Variants in DLC1 observed in about 807,000 individuals in gnomAD.
DLC1 encodes rho GTPase-activating protein 7.
A neutral mutation model predicts 140.3 loss-of-function variants in DLC1; 54 were observed. The observed-to-expected ratio is 0.38, with a 90% CI of 0.31 to 0.48. The LOEUF is 0.48. DLC1 is among the 20% of genes least tolerant of loss of function. The probability of loss-of-function intolerance (pLI) is 0.96; values close to 1 mark genes in which losing one functional copy is unlikely to be tolerated. For missense variants in DLC1, 2,536 were observed against 1,907.0 expected (o/e 1.33, Z -6.14); for synonymous variants, 986 against 728.1 (o/e 1.35, Z -5.70).
intron 7 of DLC1, among the ~76,000 whole-genome samples, chr8:13,104,227 G>T (rs1010023304): frequency 3.9e-5 from 6 of 151,928 alleles, no homozygotes; most frequent in African/African-American, 1.5e-4. Flanking sequence ...TAAGCACTCA[G>T]GTAAGACTCT....
Position 13,325,495 on chromosome 8 carries a change from G to T in DLC1, c.1315-20193C>A, listed in dbSNP as rs11988159. 9.8e-3 allele frequency among the ~76,000 whole-genome samples: 1,492 copies of T among 151,790 alleles called. 23 individuals are homozygous for T. Among genetic ancestry groups the T allele is most frequent in the African/African-American group, 0.034 (1,403 of 41,268 alleles). On this transcript the variant is annotated intron_variant, in intron 4 of 17. Transcript: ENST00000276297. ...ACACACACACAGAAAATCTCACAGA[G>T]TCATGTATGCTGGTGTAAAATATAA...
At chr8:13,156,328 A>C (rs1010686655) in intron 5 of DLC1, among the ~76,000 whole-genome samples, 1 of 152,090 alleles carries the variant, frequency 6.6e-6, no homozygotes, top group Non-Finnish European at 1.5e-5. Flanking sequence ...TCCTGAGTAC[A>C]TAGTTTTGTT....
chr8:13,133,235 C>A lies in DLC1; in HGVS notation c.1349-17578G>T, dbSNP rs1405256358. On this transcript the variant is annotated intron_variant, in intron 5 of 17. Transcript: ENST00000276297. ...CCGGCGCTCCTGATGCGGAGAGGTGCGGCCATGTCCTGGCTGGGAGCGAAG... is the reference window on the plus strand; with the variant it reads ...CCGGCGCTCCTGATGCGGAGAGGTGAGGCCATGTCCTGGCTGGGAGCGAAG... The A allele has an allele frequency of 7.2e-6, 10 of 1,395,006 alleles. No homozygotes were observed. In the African/African-American group the frequency reaches 1.5e-4, roughly 21 times the overall value. The allele number at this position is 1,395,006 out of a possible 1,614,324, so 86.4% of individuals were successfully genotyped here.
chr8:13,240,345 C>T (rs992743067), intron 5 of DLC1, among the ~76,000 whole-genome samples: 1 of 152,200 alleles, frequency 6.6e-6, no homozygotes, highest in Admixed American at 6.5e-5. Flanking sequence ...TTTCATCTGC[C>T]TCAAATGTCT....
At chr8:13,406,260 C>T (rs191527960) in intron 2 of DLC1, among the ~76,000 whole-genome samples, 43 of 148,332 alleles carry the variant, frequency 2.9e-4, no homozygotes, top group African/African-American at 9.9e-4. Context: ...CCTCGTGATC[C>T]GCCCACCTCA....
intron 2 of DLC1, among the ~76,000 whole-genome samples, chr8:13,422,288 C>T (rs1838350722): frequency 6.6e-6 from 1 of 151,826 alleles, no homozygotes; most frequent in Non-Finnish European, 1.5e-5. Context: ...TCTCAGAAGC[C>T]CATGGTAGAT....
chr8:13,393,702 A>T lies in DLC1; in HGVS notation c.1174-9T>A, dbSNP rs759615178. 6.2e-7 allele frequency: 1 copy of T among 1,611,176 alleles called. No individual in the cohort carries two copies. The highest frequency in any genetic ancestry group is 8.5e-7 in the Non-Finnish European group (1 of 1,178,892). ...GATCCTGATTCCAGATCCTATTAAA[A>T]AACAAATGCACTGGTATGAAGGACA... On this transcript the variant is annotated splice_polypyrimidine_tract_variant and intron_variant, in intron 3 of 17. Transcript: ENST00000276297.
chr8:13,151,286 AT>A (rs1823789755), intron 5 of DLC1, among the ~76,000 whole-genome samples: 1 of 152,236 alleles, frequency 6.6e-6, no homozygotes, highest in Non-Finnish European at 1.5e-5. Flanking sequence ...TTTCAGCATA[AT>A]GATAATACAC....
chr8:13,366,995 C>T (rs908481067), intron 4 of DLC1, among the ~76,000 whole-genome samples: 1 of 152,150 alleles, frequency 6.6e-6, no homozygotes, highest in Admixed American at 6.5e-5. Flanking sequence ...TGTCTACTCA[C>T]TCTCCCAACC....
At chr8:13,590,998 A>G (rs1400001915) in intron 1 of DLC1, among the ~76,000 whole-genome samples, 1 of 152,126 alleles carries the variant, frequency 6.6e-6, no homozygotes, top group Non-Finnish European at 1.5e-5. Context: ...AGGCAGCAAT[A>G]ACATGGAGGT....
At chr8:13,521,821 C>T (rs1217708309) in intron 1 of DLC1, among the ~76,000 whole-genome samples, 2 of 152,268 alleles carry the variant, frequency 1.3e-5, no homozygotes, top group Non-Finnish European at 2.9e-5. Flanking sequence ...CATTTGAGAA[C>T]CTCAGTACAC....
intron 5 of DLC1, chr8:13,133,080 C>A (rs1822258596): frequency 6.5e-7 from 1 of 1,534,902 alleles, no homozygotes; most frequent in Non-Finnish European, 8.8e-7. Context: ...CCGAGACGCG[C>A]GCCCTCGCGG....
Position 13,418,161 on chromosome 8 carries a change from A to G in DLC1, c.1024-16542T>C, listed in dbSNP as rs1463028610. 6.6e-5 allele frequency among the ~76,000 whole-genome samples: 10 copies of G among 151,978 alleles called. No homozygotes were observed. In the East Asian group the frequency reaches 7.8e-4, roughly 12 times the overall value. On this transcript the variant is annotated intron_variant, in intron 2 of 17. Transcript: ENST00000276297. ...TGCGAAAATTTTCTCCCATTTTGTA[A>G]GTTGCCTGTTCACTCTGATGGTAGT... is the stretch of plus-strand genomic sequence containing the variant.
chr8:13,209,273 C>T (rs139754369), intron 5 of DLC1, among the ~76,000 whole-genome samples: 1 of 152,096 alleles, frequency 6.6e-6, no homozygotes. Context: ...AAAGACTCAT[C>T]TCAAGATTTT....
chr8:13,372,801 G>C (rs1013366005), intron 4 of DLC1, among the ~76,000 whole-genome samples: 3 of 152,114 alleles, frequency 2.0e-5, no homozygotes, highest in Non-Finnish European at 2.9e-5. Flanking sequence ...TATATGGTAA[G>C]TTATTTAGAA....
Position 13,133,089 on chromosome 8 carries a change from G to C in DLC1, c.1349-17432C>G, listed in dbSNP as rs1026834960. 4.1e-5 allele frequency: 62 copies of C among 1,514,740 alleles called. No individual in the cohort carries two copies. In the African/African-American group the frequency reaches 7.8e-4, roughly 19 times the overall value. 93.8% of individuals were successfully genotyped at this position (1,514,740 alleles called of 1,614,324 possible). ...CGGCACCCGAGACGCGCGCCCTCGCGGTCCTCAACGCATCCTTGCTCGCCG... is the reference window on the plus strand; with the variant it reads ...CGGCACCCGAGACGCGCGCCCTCGCCGTCCTCAACGCATCCTTGCTCGCCG... On this transcript the variant is annotated intron_variant, in intron 5 of 17. Transcript: ENST00000276297.
At chr8:13,495,757 C>T (rs1174814452) in intron 2 of DLC1, among the ~76,000 whole-genome samples, 1 of 152,042 alleles carries the variant, frequency 6.6e-6, no homozygotes, top group Non-Finnish European at 1.5e-5. Flanking sequence ...ACGATGAATG[C>T]CTGCTAAGAT....
intron 4 of DLC1, among the ~76,000 whole-genome samples, chr8:13,384,452 T>A (rs1383210860): frequency 6.6e-6 from 1 of 152,212 alleles, no homozygotes; most frequent in East Asian, 1.9e-4. Context: ...CTCACAACTT[T>A]GATATATCCA....
intron 2 of DLC1, among the ~76,000 whole-genome samples, chr8:13,444,799 C>T (rs1260732958): frequency 1.3e-5 from 2 of 152,036 alleles, no homozygotes; most frequent in South Asian, 2.1e-4. Flanking sequence ...TGACTATAAT[C>T]GTTCAAGGAA....
Sources: allele counts gnomAD v4.1 joint callset (sites outside exome capture counted in the v4.1 genomes callset), GRCh38; gene constraint gnomAD v4.1.1; transcripts MANE v1.5; gene names NCBI Gene and HGNC (gene_info 2026-07-23, HGNC 2026-07-21).